Variants in CDK8 observed in about 807,000 individuals in gnomAD.
The protein encoded by CDK8 is cyclin dependent kinase 8.
In CDK8, 29 loss-of-function variants were observed where a neutral mutation model predicts 71.5. The ratio of observed to expected loss-of-function variants is 0.41; its 90% confidence interval spans 0.30 to 0.55. The LOEUF is 0.55. Ranked by LOEUF, CDK8 falls within the 20% of genes least tolerant of loss-of-function variation. The probability of loss-of-function intolerance (pLI) is 0.37; values close to 1 mark genes in which losing one functional copy is unlikely to be tolerated. For missense variants in CDK8, 288 were observed against 572.6 expected, an observed-to-expected ratio of 0.50 and a Z score of 5.07; for synonymous variants, 161 against 192.1, an observed-to-expected ratio of 0.84 and a Z score of 1.34.
At chr13:26,341,423 C>T (rs952507978) in intron 2 of CDK8, among the ~76,000 whole-genome samples, 29 of 152,172 alleles carry the variant, frequency 1.9e-4, no homozygotes, top group Non-Finnish European at 2.9e-4. Context: ...TCGTGCCCGG[C>T]CAAGCATACC....
intron 2 of CDK8, 89 bp downstream of exon 2, chr13:26,337,731 T>C: frequency 8.0e-6 from 4 of 500,848 alleles, no homozygotes; most frequent in Non-Finnish European, 1.4e-5. Flanking sequence ...GTCATATTAA[T>C]TGAAAGTTAG....
rs1873246626 is a variant in CDK8, at chr13:26,341,727, T to C, written c.204+4085T>C. ...AGTATTAATTTATTTTTTATATATT[T>C]GTACTATAGAAGTTCAAATTAAATG... On this transcript the variant is annotated intron_variant, in intron 2 of 12. Transcript: ENST00000381527. 2.0e-5 allele frequency among the ~76,000 whole-genome samples: 3 copies of C among 152,088 alleles called. No individual in the cohort carries two copies. The South Asian group carries it at 6.3e-4, about 32-fold the overall frequency.
intron 1 of CDK8, among the ~76,000 whole-genome samples, chr13:26,270,122 G>T (rs1440863912): frequency 1.3e-5 from 2 of 151,938 alleles, no homozygotes; most frequent in Non-Finnish European, 2.9e-5. Flanking sequence ...AGGTGTGGTG[G>T]CTCACTCTTG....
chr13:26,296,979 C>G (rs1167797393), intron 1 of CDK8, among the ~76,000 whole-genome samples: 1 of 152,176 alleles, frequency 6.6e-6, no homozygotes, highest in Non-Finnish European at 1.5e-5. Flanking sequence ...TAACCAAGGA[C>G]TAGGACCTCT....
In CDK8 at chr13:26,288,931, G is replaced by A. The variant is rs555889427; in HGVS notation, c.128+34162G>A. On this transcript the variant is annotated intron_variant, in intron 1 of 12. Transcript: ENST00000381527. Reference sequence around the variant, plus strand: ...TGCACCTGGCTAATTTTGTACTTAAGGTAGAGATGGGGTTTCACTATGGTC... The same window carrying A: ...TGCACCTGGCTAATTTTGTACTTAAAGTAGAGATGGGGTTTCACTATGGTC... 2.6e-4 allele frequency among the ~76,000 whole-genome samples: 39 copies of A among 151,832 alleles called. No homozygotes were observed. In the East Asian group the frequency reaches 7.0e-3, roughly 27 times the overall value.
At chr13:26,260,932 CTT>C (rs1357674363) in intron 1 of CDK8, among the ~76,000 whole-genome samples, 3 of 152,202 alleles carry the variant, frequency 2.0e-5, no homozygotes, top group Non-Finnish European at 4.4e-5. Flanking sequence ...TCTCTTGACT[CTT>C]TTTCTGTTCT....
At chr13:26,318,402 T>C (rs559547243) in intron 1 of CDK8, among the ~76,000 whole-genome samples, 1 of 152,064 alleles carries the variant, frequency 6.6e-6, no homozygotes, top group Admixed American at 6.6e-5. Flanking sequence ...TTCAAAAAAA[T>C]TGAAGTGGAG....
intron 3 of CDK8, among the ~76,000 whole-genome samples, chr13:26,350,939 T>C (rs1873655507): frequency 6.6e-6 from 1 of 152,062 alleles, no homozygotes; most frequent in South Asian, 2.1e-4. Flanking sequence ...TTATTAAATA[T>C]AACATTTATA....
chr13:26,312,303 C>T (rs959444638), intron 1 of CDK8, among the ~76,000 whole-genome samples: 1 of 152,180 alleles, frequency 6.6e-6, no homozygotes, highest in East Asian at 1.9e-4. Context: ...AGTGGCAACC[C>T]ACTTGAGTCC....
rs532650424 is a variant in CDK8, at chr13:26,380,273, A to G, written c.457-2541A>G. 1.2e-4 allele frequency among the ~76,000 whole-genome samples: 18 copies of G among 152,234 alleles called. No homozygotes were observed. The South Asian group carries it at 3.5e-3, about 30-fold the overall frequency. On this transcript the variant is annotated intron_variant, in intron 4 of 12. Transcript: ENST00000381527. ...CAGGTCACTGCAACCTCCGCCTCCC[A>G]GGTTCAAGTGATTCTCCTGCCTCAG...
rs541680054 is a variant in CDK8, at chr13:26,376,843, A to G, written c.457-5971A>G. Among the ~76,000 whole-genome samples, 7 of 152,370 alleles carry G rather than the reference A, an allele frequency of 4.6e-5. No individual in the cohort carries two copies. In the South Asian group the frequency reaches 1.4e-3, roughly 32 times the overall value. Reference sequence around the variant, plus strand: ...TTTTAAGGATACTAATTTAAAGCTAATCTGAACAATGTTTATTATTTTAAA... The same window carrying G: ...TTTTAAGGATACTAATTTAAAGCTAGTCTGAACAATGTTTATTATTTTAAA... On this transcript the variant is annotated intron_variant, in intron 4 of 12. Coordinates refer to ENST00000381527, the MANE Select transcript of CDK8 (RefSeq NM_001260.3).
At chr13:26,283,127 TTGACAGCACAGGTCATC>T (rs1872835239) in intron 1 of CDK8, among the ~76,000 whole-genome samples, 1 of 152,180 alleles carries the variant, frequency 6.6e-6, no homozygotes, top group Non-Finnish European at 1.5e-5. Flanking sequence ...TAATACTCCA[TTGACAGCACAGGTCATC>T]AAGACAGAAA....
chr13:26,292,786 T>C (rs1457306518), intron 1 of CDK8, among the ~76,000 whole-genome samples: 1 of 152,238 alleles, frequency 6.6e-6, no homozygotes, highest in East Asian at 1.9e-4. Flanking sequence ...TATATTGTTA[T>C]ATTCTCTTAT....
Position 26,403,943 on chromosome 13 carries a change from A to C in CDK8, c.1270-13A>C, listed in dbSNP as rs376226775. On this transcript the variant is annotated splice_polypyrimidine_tract_variant and intron_variant, in intron 12 of 12. Transcript: ENST00000381527. ...AGCACCTGAATCACACTTTTCCCTC[A>C]TCTCCTTTCCAGCGTTCCAATCCAC... The C allele has an allele frequency of 8.1e-6, 13 of 1,609,770 alleles. No homozygotes were observed. In the African/African-American group the frequency reaches 1.7e-4, roughly 21 times the overall value.
chr13:26,403,846 A>G, intron 12 of CDK8, 110 bp from the exon 13 acceptor site: 3 of 1,348,978 alleles, frequency 2.2e-6, no homozygotes, highest in Non-Finnish European at 3.1e-6. Context: ...CATAGCACAA[A>G]ACCTATACAT....
intron 1 of CDK8, among the ~76,000 whole-genome samples, chr13:26,296,329 A>C (rs534823548): frequency 3.3e-5 from 5 of 152,352 alleles, no homozygotes; most frequent in South Asian, 2.1e-4. Context: ...CCTTTTGGAC[A>C]AAGGGCTCTT....
chr13:26,308,509 A>G lies in CDK8; in HGVS notation c.129-29058A>G, dbSNP rs559011113. On this transcript the variant is annotated intron_variant, in intron 1 of 12. Coordinates refer to ENST00000381527, the MANE Select transcript of CDK8 (RefSeq NM_001260.3). ...GCCACTTGGCTGTTACCAGCATTACATATGTTAATAGATAAGATATGCCTT... is the reference window on the plus strand; with the variant it reads ...GCCACTTGGCTGTTACCAGCATTACGTATGTTAATAGATAAGATATGCCTT... Among the ~76,000 whole-genome samples the G allele has an allele frequency of 1.0e-3, 152 of 152,360 alleles. 1 individual carries two copies. Among genetic ancestry groups the G allele is most frequent in the African/African-American group, 3.5e-3 (144 of 41,582 alleles).
intron 4 of CDK8, among the ~76,000 whole-genome samples, chr13:26,363,838 A>G (rs900714271): frequency 6.6e-5 from 10 of 152,106 alleles, no homozygotes; most frequent in Non-Finnish European, 7.4e-5. Context: ...GGAGCCATTG[A>G]CTCAAACTCA....
At chr13:26,273,039 A>G (rs892319681) in intron 1 of CDK8, among the ~76,000 whole-genome samples, 2 of 152,174 alleles carry the variant, frequency 1.3e-5, no homozygotes, top group East Asian at 1.9e-4. Context: ...TTAAAGAAAC[A>G]TTGCTTAACC....
Sources: allele counts gnomAD v4.1 joint callset (sites outside exome capture counted in the v4.1 genomes callset), GRCh38; gene constraint gnomAD v4.1.1; transcripts MANE v1.5; gene names NCBI Gene and HGNC (gene_info 2026-07-23, HGNC 2026-07-21).